SPAG16: variants seen among roughly 807,000 people sequenced by gnomAD.
The protein encoded by SPAG16 is sperm associated antigen 16.
A neutral mutation model predicts 80.4 loss-of-function variants in SPAG16; 86 were observed. The observed-to-expected ratio is 1.07, with a 90% CI of 0.90 to 1.28. SPAG16 has a LOEUF of 1.28. SPAG16 is among the 50% of genes most tolerant of loss of function. The pLI is 0.00. For missense variants in SPAG16, 870 were observed against 765.3 expected (o/e 1.14, Z -1.61); for synonymous variants, 294 against 265.9 (o/e 1.11, Z -1.03).
Position 213,666,810 on chromosome 2 carries a change from C to T in SPAG16, c.1070+176720C>T, listed in dbSNP as rs78428335. Among the ~76,000 whole-genome samples, 8 of 152,250 alleles carry T rather than the reference C, an allele frequency of 5.3e-5. No homozygotes were observed. In the East Asian group the frequency reaches 1.5e-3, roughly 29 times the overall value. ...TGTAGGTGGAGAAGGAAGGCCAGTACAAAGGAAAGTGCAGGAGTTCAGATT... is the reference window on the plus strand; with the variant it reads ...TGTAGGTGGAGAAGGAAGGCCAGTATAAAGGAAAGTGCAGGAGTTCAGATT... On this transcript the variant is annotated intron_variant, in intron 10 of 15. Transcript: ENST00000331683.
At chr2:213,400,018 C>T (rs1434801408) in intron 9 of SPAG16, among the ~76,000 whole-genome samples, 2 of 151,872 alleles carry the variant, frequency 1.3e-5, no homozygotes, top group Non-Finnish European at 2.9e-5. Flanking sequence ...TTCTTGCCCT[C>T]CCTTCCAACA....
chr2:213,637,383 A>G (rs1443649353), intron 10 of SPAG16, among the ~76,000 whole-genome samples: 1 of 152,156 alleles, frequency 6.6e-6, no homozygotes. Flanking sequence ...TTTATCAGGC[A>G]TATTGGTCTG....
chr2:214,037,864 G>GGTATGTGTGTGTGTGT (rs374110237), intron 13 of SPAG16, among the ~76,000 whole-genome samples: 4 of 133,706 alleles, frequency 3.0e-5, no homozygotes, highest in African/African-American at 1.2e-4. Flanking sequence ...CCAGAAGCCT[G>GGTATGTGTGTGTGTGT]GTGTGTGTGT....
At chr2:213,976,135 T>TACACACACACACACACAC (rs1553685174) in intron 12 of SPAG16, among the ~76,000 whole-genome samples, 3 of 81,416 alleles carry the variant, frequency 3.7e-5, no homozygotes, top group African/African-American at 1.1e-4. Context: ...TATATATATA[T>TACACACACACACACACAC]ACACACACAC....
chr2:213,325,350 T>A lies in SPAG16; in HGVS notation c.536+7994T>A, dbSNP rs185752520. ...CTTCTAAAACGCTTAAAATATAGAT[T>A]TTTATTTCAACATAGGATCTGTTCT... On this transcript the variant is annotated intron_variant, in intron 5 of 15. Transcript: ENST00000331683. Among the ~76,000 whole-genome samples, 8 of 152,188 alleles carry A rather than the reference T, an allele frequency of 5.3e-5. No individual in the cohort carries two copies. In the East Asian group the frequency reaches 1.5e-3, roughly 29 times the overall value.
intron 9 of SPAG16, among the ~76,000 whole-genome samples, chr2:213,384,859 T>C (rs1303114474): frequency 6.6e-6 from 1 of 152,236 alleles, no homozygotes; most frequent in Non-Finnish European, 1.5e-5. Flanking sequence ...CTATGTTCTA[T>C]TGACTATCTT....
chr2:213,574,650 C>CATATATATGATAGATGAT, intron 10 of SPAG16, among the ~76,000 whole-genome samples: 1 of 143,482 alleles, frequency 7.0e-6, no homozygotes, highest in East Asian at 2.1e-4. Flanking sequence ...AGATATATAT[C>CATATATATGATAGATGAT]ATATATATGA....
chr2:213,532,623 A>G (rs1185654499), intron 10 of SPAG16, among the ~76,000 whole-genome samples: 1 of 151,952 alleles, frequency 6.6e-6, no homozygotes, highest in African/African-American at 2.4e-5. Context: ...CACCATGTCC[A>G]GCTAATTTTT....
chr2:213,957,743 G>A (rs2044222123), intron 12 of SPAG16, among the ~76,000 whole-genome samples: 1 of 151,776 alleles, frequency 6.6e-6, no homozygotes, highest in African/African-American at 2.4e-5. Context: ...TACTTCCTTT[G>A]TGTGTATTTT....
chr2:213,581,208 G>T (rs2060286292), intron 10 of SPAG16, among the ~76,000 whole-genome samples: 1 of 151,802 alleles, frequency 6.6e-6, no homozygotes, highest in Admixed American at 6.6e-5. Flanking sequence ...TTAGGTACTG[G>T]CAACCTTTTA....
chr2:213,697,458 G>A (rs1330544979), intron 10 of SPAG16, among the ~76,000 whole-genome samples: 1 of 152,062 alleles, frequency 6.6e-6, no homozygotes. Context: ...TCCAATCTCT[G>A]GAATCTATGA....
intron 12 of SPAG16, among the ~76,000 whole-genome samples, chr2:213,980,076 G>T (rs2045616175): frequency 6.6e-6 from 1 of 151,516 alleles, no homozygotes; most frequent in Non-Finnish European, 1.5e-5. Context: ...ACTAAGTGTA[G>T]GCCAGGTGTG....
intron 9 of SPAG16, among the ~76,000 whole-genome samples, chr2:213,412,177 A>C (rs1422583657): frequency 1.3e-5 from 2 of 152,172 alleles, no homozygotes; most frequent in East Asian, 3.9e-4. Flanking sequence ...ACCCTAACTC[A>C]TTCCAATTAC....
intron 15 of SPAG16, among the ~76,000 whole-genome samples, chr2:214,233,341 AATAATGATGATGATG>A (rs1328277991): frequency 3.7e-5 from 3 of 81,744 alleles, no homozygotes; most frequent in Non-Finnish European, 5.3e-5. Flanking sequence ...AAAAATAGAT[AATAATGATGATGATG>A]ATGATGATGA....
chr2:214,233,306 C>A (rs1294958447), intron 15 of SPAG16, among the ~76,000 whole-genome samples: 1 of 151,482 alleles, frequency 6.6e-6, no homozygotes, highest in Non-Finnish European at 1.5e-5. Flanking sequence ...CTGTAGCCTT[C>A]TGTATATGTG....
intron 14 of SPAG16, among the ~76,000 whole-genome samples, chr2:214,121,221 A>G (rs34342364): frequency 0.16 from 24,958 of 151,826 alleles, 2,078 homozygotes; most frequent in African/African-American, 0.18. Flanking sequence ...ATGAATAAAT[A>G]AATGAATGCT....
At chr2:213,586,817 A>G (rs926515241) in intron 10 of SPAG16, among the ~76,000 whole-genome samples, 3 of 152,232 alleles carry the variant, frequency 2.0e-5, no homozygotes, top group East Asian at 1.9e-4. Context: ...AACATTGAAG[A>G]AGAACTGGGG....
chr2:213,751,631 T>C (rs888139504), intron 10 of SPAG16, among the ~76,000 whole-genome samples: 2 of 152,216 alleles, frequency 1.3e-5, no homozygotes, highest in African/African-American at 4.8e-5. Flanking sequence ...TTTTCTGCAC[T>C]GTGGCTTCAC....
intron 10 of SPAG16, among the ~76,000 whole-genome samples, chr2:213,719,837 G>A (rs1333998009): frequency 6.6e-6 from 1 of 152,148 alleles, no homozygotes; most frequent in Non-Finnish European, 1.5e-5. Flanking sequence ...CCATTACTGA[G>A]TATATACCCA....
Sources: gnomAD v4.1 joint callset for allele counts (sites outside exome capture counted in the v4.1 genomes callset) on GRCh38, gnomAD v4.1.1 for gene constraint, MANE v1.5 for transcripts, NCBI Gene and HGNC (gene_info 2026-07-23, HGNC 2026-07-21) for gene names.